The following JMJD1C variants were observed in gnomAD, a reference collection of about 807,000 sequenced individuals.
JMJD1C encodes jumonji domain-containing protein 1C.
A neutral mutation model predicts 245.3 loss-of-function variants in JMJD1C; 31 were observed. The ratio of observed to expected loss-of-function variants is 0.13; its 90% CI spans 0.09 to 0.17. JMJD1C has a LOEUF of 0.17. Among genes scored for constraint, JMJD1C ranks in the 10% least tolerant of loss-of-function variants. The pLI is 1.00. For synonymous variants in JMJD1C, 1,057 were observed against 1,017.4 expected, an observed-to-expected ratio of 1.04 and a Z score of -0.74; for missense variants, 2,691 against 3,000.2, an observed-to-expected ratio of 0.90 and a Z score of 2.41.
intron 1 of JMJD1C, among the ~76,000 whole-genome samples, chr10:63,441,986 T>G (rs1951416380): frequency 6.6e-6 from 1 of 152,220 alleles, no homozygotes; most frequent in African/African-American, 2.4e-5. Context: ...ATATAGCACC[T>G]GTTATTTGTA....
At chr10:63,406,341 C>A (rs938657370) in intron 1 of JMJD1C, among the ~76,000 whole-genome samples, 3 of 152,034 alleles carry the variant, frequency 2.0e-5, no homozygotes, top group Non-Finnish European at 4.4e-5. Flanking sequence ...GAAAACAATA[C>A]TGGAAGAGAA....
At chr10:63,253,996 A>G (rs1402897530) in intron 3 of JMJD1C, among the ~76,000 whole-genome samples, 5 of 152,138 alleles carry the variant, frequency 3.3e-5, no homozygotes, top group Non-Finnish European at 5.9e-5. Flanking sequence ...TGAATTAATG[A>G]CTCTCAATCC....
chr10:63,433,439 TAGC>T (rs1367395874), intron 1 of JMJD1C, among the ~76,000 whole-genome samples: 2 of 152,094 alleles, frequency 1.3e-5, no homozygotes, highest in Admixed American at 6.5e-5. Context: ...ATTTAAAAAA[TAGC>T]AGCAATGGCT....
intron 1 of JMJD1C, among the ~76,000 whole-genome samples, chr10:63,417,618 C>T (rs2132711666): frequency 6.6e-6 from 1 of 152,142 alleles, no homozygotes; most frequent in Middle Eastern, 3.4e-3. Context: ...AATCTTGTGC[C>T]TCATTTAAAA....
At chr10:63,408,240 A>G (rs1230283106) in intron 1 of JMJD1C, among the ~76,000 whole-genome samples, 1 of 152,000 alleles carries the variant, frequency 6.6e-6, no homozygotes, top group Admixed American at 6.6e-5. Flanking sequence ...CCTCTCTACT[A>G]AAAATACAAA....
chr10:63,486,786 A>G (rs1172550744), intron 1 of JMJD1C, among the ~76,000 whole-genome samples: 1 of 152,158 alleles, frequency 6.6e-6, no homozygotes, highest in Non-Finnish European at 1.5e-5. Flanking sequence ...ATATTACCCT[A>G]AAATGGGGCT....
In JMJD1C at chr10:63,416,822, A is replaced by G. The variant is rs183300154; in HGVS notation, c.169-36340T>C. On this transcript the variant is annotated intron_variant, in intron 1 of 25. Transcript: ENST00000399262. ...TTAACCTGTTTACTGTATTCATCAA[A>G]TATGTATACAAAACTCTAATTTTCC... Among the ~76,000 whole-genome samples, 29 of 152,320 alleles carry G rather than the reference A, an allele frequency of 1.9e-4. No homozygotes were observed. The East Asian group carries it at 4.4e-3, about 23-fold the overall frequency.
chr10:63,444,254 C>A (rs1285265250), intron 1 of JMJD1C, among the ~76,000 whole-genome samples: 1 of 151,992 alleles, frequency 6.6e-6, no homozygotes, highest in Non-Finnish European at 1.5e-5. Context: ...TCAAAAAATT[C>A]TAGGACATTT....
In JMJD1C at chr10:63,198,551, G is replaced by A. The variant is rs1589126049; in HGVS notation, c.5453C>T (p.Thr1818Ile). 3 of 1,605,542 alleles carry A rather than the reference G, an allele frequency of 1.9e-6. No homozygotes were observed. Among genetic ancestry groups the A allele is most frequent in the Non-Finnish European group, 2.6e-6 (3 of 1,174,714 alleles). ...IIGDKFCQLV[T>I]SEKTALSWVK... ...CCAGGACAAAGCTGTTTTTTCAGATGTTACTAATTGACAGAACTTATCACC... is the reference window on the plus strand; with the variant it reads ...CCAGGACAAAGCTGTTTTTTCAGATATTACTAATTGACAGAACTTATCACC... Residue 1818 changes from threonine (T) to isoleucine (I), a missense_variant, in exon 12 of 26, where the codon ACA becomes ATA. By Grantham distance (89) the Thr-to-Ile change is moderately conservative (BLOSUM62 -1). This residue lies in a region of JMJD1C where 139 missense variants were observed against 270.5 expected (regional missense o/e 0.51). Transcript: ENST00000399262.
intron 2 of JMJD1C, among the ~76,000 whole-genome samples, chr10:63,331,451 A>AT (rs1942136115): frequency 2.0e-5 from 3 of 152,046 alleles, no homozygotes; most frequent in Non-Finnish European, 2.9e-5. Context: ...TGCTTGCCCT[A>AT]TTTTTTTCAC....
intron 1 of JMJD1C, among the ~76,000 whole-genome samples, chr10:63,505,316 C>CAAA (rs145038480): frequency 8.7e-5 from 5 of 57,286 alleles, no homozygotes; most frequent in African/African-American, 1.2e-4. Flanking sequence ...GAGTCCGTCT[C>CAAA]AAAAAAAAAA....
At chr10:63,326,449 A>G (rs1272060451) in intron 2 of JMJD1C, among the ~76,000 whole-genome samples, 2 of 152,220 alleles carry the variant, frequency 1.3e-5, no homozygotes, top group African/African-American at 4.8e-5. Flanking sequence ...TATGGTAACA[A>G]TTTATTACAA....
At position 63,214,832 on chromosome 10, in the gene JMJD1C, TTCTTCA is replaced by T; in HGVS notation, c.1329_1334del (p.His443_Glu445delinsGln). On this transcript the variant is annotated inframe_deletion, in exon 8 of 26. Transcript: ENST00000399262. The stretch of plus-strand genomic sequence containing the variant: ...TGTCAACAGACTTCCGCTTCTCTGC[TTCTTCA>T]TGTTTTTTATCTTCCTGTATTTGAT... The T allele has an allele frequency of 6.2e-7, 1 of 1,613,890 alleles. No individual in the cohort carries two copies. Among genetic ancestry groups the T allele is most frequent in the South Asian group, 1.1e-5 (1 of 91,084 alleles).
At chr10:63,283,367 CTTT>C (rs34629226) in intron 2 of JMJD1C, among the ~76,000 whole-genome samples, 26 of 122,534 alleles carry the variant, frequency 2.1e-4, no homozygotes, top group Non-Finnish European at 3.1e-4. Flanking sequence ...CTTTCTGAGC[CTTT>C]TTTTTTTTTT....
intron 2 of JMJD1C, among the ~76,000 whole-genome samples, chr10:63,332,993 C>G (rs1292533002): frequency 1.3e-5 from 2 of 152,048 alleles, no homozygotes; most frequent in African/African-American, 2.4e-5. Flanking sequence ...ATAAAAAAAG[C>G]AAACCTGTAT....
At chr10:63,221,005 G>A (rs909982939) in intron 3 of JMJD1C, among the ~76,000 whole-genome samples, 2 of 151,850 alleles carry the variant, frequency 1.3e-5, no homozygotes, top group Non-Finnish European at 2.9e-5. Flanking sequence ...CAGCTACTGA[G>A]GATGCTGAGG....
At chr10:63,485,412 T>C (rs530190178) in intron 1 of JMJD1C, among the ~76,000 whole-genome samples, 1 of 152,228 alleles carries the variant, frequency 6.6e-6, no homozygotes, top group African/African-American at 2.4e-5. Context: ...CAAGTCTTTA[T>C]TCAGACAAAA....
intron 3 of JMJD1C, among the ~76,000 whole-genome samples, chr10:63,230,755 ACAGAGTGAGACT>A (rs1250401954): frequency 4.6e-5 from 7 of 151,784 alleles, no homozygotes; most frequent in Non-Finnish European, 8.8e-5. Flanking sequence ...AGCCTAGGTG[ACAGAGTGAGACT>A]GTCCCCCCCC....
intron 1 of JMJD1C, among the ~76,000 whole-genome samples, chr10:63,483,740 C>A (rs762447994): frequency 1.6e-4 from 24 of 152,144 alleles, no homozygotes; most frequent in Admixed American, 2.6e-4. Flanking sequence ...TTTATACTTA[C>A]CTGATTCTCT....
Sources: allele counts gnomAD v4.1 joint callset (sites outside exome capture counted in the v4.1 genomes callset), GRCh38; gene constraint gnomAD v4.1.1; regional missense constraint gnomAD v4.1.1; transcripts MANE v1.5; gene names NCBI Gene and HGNC (gene_info 2026-07-23, HGNC 2026-07-21).